The following PTPRN2 variants were observed in gnomAD, a reference collection of about 807,000 sequenced individuals.
PTPRN2 encodes the protein receptor-type tyrosine-protein phosphatase N2.
A neutral mutation model predicts 118.8 loss-of-function variants in PTPRN2; 74 were observed. That is an observed-to-expected ratio of 0.62 (90% CI 0.52 to 0.76). The LOEUF is 0.76. Ranked by LOEUF, PTPRN2 falls within the 30% of genes least tolerant of loss-of-function variation. PTPRN2 has a pLI of 0.00. For synonymous variants in PTPRN2, 641 were observed against 608.0 expected (o/e 1.05, Z -0.80); for missense variants, 1,481 against 1,394.4 (o/e 1.06, Z -0.99).
At position 158,375,664 on chromosome 7, in the gene PTPRN2, C is replaced by T. The variant is rs374905755; in HGVS notation, c.164-58732G>A. On this transcript the variant is annotated intron_variant, in intron 2 of 22. Coordinates refer to ENST00000389418, the MANE Select transcript of PTPRN2 (RefSeq NM_002847.5). ...TTGTGCCCAAATGTTGCCTTTTGGC[C>T]TCCCATGCCTGCCTATCCTGTACCC... Among the ~76,000 whole-genome samples, 8 of 152,326 alleles carry T rather than the reference C, an allele frequency of 5.3e-5. No homozygotes were observed. In the South Asian group the frequency reaches 1.7e-3, roughly 32 times the overall value.
At position 157,845,699 on chromosome 7, in the gene PTPRN2, C is replaced by T. The variant is rs1027803624; in HGVS notation, c.1788+52974G>A. Among the ~76,000 whole-genome samples, 2 of 152,178 alleles carry T rather than the reference C, an allele frequency of 1.3e-5. No homozygotes were observed. The highest frequency in any genetic ancestry group is 6.5e-5 in the Admixed American group (1 of 15,268). ...GCAGGTGGGTGCACAGGAAAGAAAC[C>T]AACATGGAGCTGAGGCCCCAGAGAG... On this transcript the variant is annotated intron_variant, in intron 12 of 22. Coordinates refer to ENST00000389418, the MANE Select transcript of PTPRN2 (RefSeq NM_002847.5). This position sits in a 1 kb window ranked among gnomAD's most constrained non-coding sequence, Gnocchi z 4.5.
intron 3 of PTPRN2, among the ~76,000 whole-genome samples, chr7:158,214,736 G>A (rs1159061719): frequency 6.6e-6 from 1 of 152,042 alleles, no homozygotes; most frequent in Non-Finnish European, 1.5e-5. Context: ...CATCTGGGAA[G>A]TTGAAACTCC....
At chr7:157,694,769 C>CT (rs71303916) in intron 12 of PTPRN2, among the ~76,000 whole-genome samples, 21,654 of 147,106 alleles carry the variant, frequency 0.15, 2,012 homozygotes, top group Non-Finnish European at 0.23. Flanking sequence ...TTTCTTTTTT[C>CT]TTTTTTTTTT....
chr7:158,036,208 C>T (rs1016721584), intron 11 of PTPRN2, among the ~76,000 whole-genome samples: 4 of 151,940 alleles, frequency 2.6e-5, no homozygotes, highest in Non-Finnish European at 4.4e-5. Flanking sequence ...ACAACAGAAA[C>T]GTAATTGGAA....
rs145703652 is a variant in PTPRN2, at chr7:158,093,058, C to T, written c.1644-11681G>A. Among the ~76,000 whole-genome samples, 9 of 152,360 alleles carry T rather than the reference C, an allele frequency of 5.9e-5. No individual in the cohort carries two copies. Among genetic ancestry groups the T allele is most frequent in the South Asian group, 2.1e-4 (1 of 4,832 alleles). On this transcript the variant is annotated intron_variant, in intron 10 of 22. Coordinates refer to ENST00000389418, the MANE Select transcript of PTPRN2 (RefSeq NM_002847.5). This position sits in a 1 kb window ranked among gnomAD's most constrained non-coding sequence, Gnocchi z 4.4. ...GCCACCACTAGAATCACAACTTCGG[C>T]GTTCTTGGCTGAGAGCCTTCTGCGA...
intron 1 of PTPRN2, among the ~76,000 whole-genome samples, chr7:158,568,180 G>A (rs1018860887): frequency 5.9e-5 from 9 of 152,256 alleles, no homozygotes; most frequent in African/African-American, 1.4e-4. Flanking sequence ...TTGAGCCCTG[G>A]AGGCAAAGGT....
At chr7:157,771,209 TTG>T (rs1456962096) in intron 12 of PTPRN2, among the ~76,000 whole-genome samples, 2 of 152,334 alleles carry the variant, frequency 1.3e-5, no homozygotes, top group East Asian at 3.9e-4. Flanking sequence ...CAAGCCCTCT[TTG>T]GGGCGAGCCC....
At chr7:158,089,984 C>T (rs57376863) in intron 10 of PTPRN2, among the ~76,000 whole-genome samples, 3 of 33,114 alleles carry the variant, frequency 9.1e-5, no homozygotes, top group African/African-American at 1.8e-4. Flanking sequence ...TTCACACAAA[C>T]CCTTCCTCCC....
chr7:157,911,626 T>G (rs1008265735), intron 11 of PTPRN2, among the ~76,000 whole-genome samples: 1 of 152,142 alleles, frequency 6.6e-6, no homozygotes, highest in South Asian at 2.1e-4. Flanking sequence ...CAAAGAATAA[T>G]AAGACAGCAA....
chr7:158,152,380 T>C (rs995057081), intron 6 of PTPRN2, among the ~76,000 whole-genome samples: 63 of 152,064 alleles, frequency 4.1e-4, no homozygotes, highest in African/African-American at 1.4e-3. Flanking sequence ...GAAGCTGTCT[T>C]CAGGCAGGAG....
intron 2 of PTPRN2, among the ~76,000 whole-genome samples, chr7:158,363,241 G>C (rs983235570): frequency 1.3e-5 from 2 of 151,960 alleles, no homozygotes; most frequent in Non-Finnish European, 1.5e-5. Flanking sequence ...GGGAGGCCAC[G>C]AGAGGCTACA....
chr7:158,307,089 A>G (rs1326945212), intron 3 of PTPRN2, among the ~76,000 whole-genome samples: 1 of 151,220 alleles, frequency 6.6e-6, no homozygotes, highest in Non-Finnish European at 1.5e-5. Context: ...CTAGTCTTGA[A>G]CTCCTGACCT....
chr7:158,371,590 C>T (rs993351900), intron 2 of PTPRN2, among the ~76,000 whole-genome samples: 6 of 152,104 alleles, frequency 3.9e-5, no homozygotes, highest in African/African-American at 1.4e-4. Context: ...AAGCACCTCA[C>T]GCTTGAGAGA....
At chr7:158,319,556 C>T (rs1210052878) in intron 2 of PTPRN2, among the ~76,000 whole-genome samples, 1 of 140,310 alleles carries the variant, frequency 7.1e-6, no homozygotes. Flanking sequence ...CACACACACA[C>T]GGTCTCCCTC....
At chr7:157,837,680 G>A (rs1201303390) in intron 12 of PTPRN2, among the ~76,000 whole-genome samples, 1 of 152,130 alleles carries the variant, frequency 6.6e-6, no homozygotes, top group East Asian at 1.9e-4. Context: ...CGCAGGGCAG[G>A]GCTCACATCC....
chr7:157,628,484 A>G (rs746938614), intron 14 of PTPRN2, among the ~76,000 whole-genome samples: 1 of 152,232 alleles, frequency 6.6e-6, no homozygotes, highest in Non-Finnish European at 1.5e-5. Context: ...CACACTGGGA[A>G]GGCACTGGAC....
chr7:157,966,313 C>A (rs908683264), intron 11 of PTPRN2, among the ~76,000 whole-genome samples: 4 of 152,078 alleles, frequency 2.6e-5, no homozygotes, highest in Non-Finnish European at 5.9e-5. Flanking sequence ...CCACCATCAT[C>A]TTCATTACCA....
intron 11 of PTPRN2, among the ~76,000 whole-genome samples, chr7:157,908,481 TC>T (rs1236729688): frequency 6.6e-6 from 1 of 152,246 alleles, no homozygotes; most frequent in Non-Finnish European, 1.5e-5. Flanking sequence ...AAGTATCCGT[TC>T]CTGGCAGTGC....
intron 12 of PTPRN2, among the ~76,000 whole-genome samples, chr7:157,735,441 A>C (rs1800241781): frequency 6.6e-6 from 1 of 152,138 alleles, no homozygotes; most frequent in South Asian, 2.1e-4. Context: ...CCTGCATCTT[A>C]TCTGCGTCCA....
Sources: gnomAD v4.1 joint callset for allele counts (sites outside exome capture counted in the v4.1 genomes callset) on GRCh38, gnomAD v4.1.1 for gene constraint, Gnocchi (gnomAD v3.1) non-coding constraint, MANE v1.5 for transcripts, NCBI Gene and HGNC (gene_info 2026-07-23, HGNC 2026-07-21) for gene names.